RPS6KA6: variants seen among roughly 807,000 people sequenced by gnomAD.
The protein encoded by RPS6KA6 is ribosomal protein S6 kinase A6.
In RPS6KA6, 27 loss-of-function variants were observed where a neutral mutation model predicts 65.4. The ratio of observed to expected loss-of-function variants is 0.41; its 90% confidence interval spans 0.30 to 0.57. RPS6KA6 has a LOEUF of 0.57. Ranked by LOEUF, RPS6KA6 falls within the 20% of genes least tolerant of loss-of-function variation. The pLI is 0.24. For missense variants in RPS6KA6, 486 were observed against 555.6 expected (o/e 0.87, Z 1.26); for synonymous variants, 190 against 184.2 (o/e 1.03, Z -0.26).
chrX:84,090,071 A>C (rs1428294954), intron 20 of RPS6KA6, among the ~76,000 whole-genome samples: 2 of 112,515 alleles, frequency 1.8e-5, no homozygotes, highest in Non-Finnish European at 3.8e-5. Flanking sequence ...AATACTGATT[A>C]ATAATTCATC....
intron 12 of RPS6KA6, among the ~76,000 whole-genome samples, chrX:84,115,934 C>A (rs982427434): frequency 2.7e-5 from 3 of 110,525 alleles, no homozygotes; most frequent in African/African-American, 9.9e-5. Flanking sequence ...ATAATAGACA[C>A]CGAGGACTCC....
intron 8 of RPS6KA6, among the ~76,000 whole-genome samples, chrX:84,132,224 A>T (rs2034910121): frequency 9.0e-6 from 1 of 110,693 alleles, no homozygotes; most frequent in South Asian, 3.9e-4. Flanking sequence ...GGAGTTCAAG[A>T]CCAGCCTGGG....
At chrX:84,134,941 ATTAACT>A in intron 7 of RPS6KA6, 122 bp from the exon 8 acceptor site, 1 of 605,743 alleles carries the variant, frequency 1.7e-6, no homozygotes, top group Non-Finnish European at 2.5e-6. Context: ...AATTTAAATG[ATTAACT>A]TAAAGTCAAT....
At chrX:84,165,558 C>A (rs902597113) in intron 1 of RPS6KA6, among the ~76,000 whole-genome samples, 7 of 110,883 alleles carry the variant, frequency 6.3e-5, no homozygotes, top group African/African-American at 2.3e-4. Flanking sequence ...AACAAAAATT[C>A]CAAGAAAAAT....
chrX:84,173,116 C>CAT (rs1008700199), intron 1 of RPS6KA6, among the ~76,000 whole-genome samples: 5 of 110,080 alleles, frequency 4.5e-5, no homozygotes, highest in African/African-American at 1.7e-4. Context: ...TTTTATGTTT[C>CAT]ATATATATAT....
chrX:84,078,638 G>T (rs183449300), intron 20 of RPS6KA6, among the ~76,000 whole-genome samples: 68 of 111,641 alleles, frequency 6.1e-4, no homozygotes, highest in African/African-American at 2.0e-3. Context: ...CAACAACATA[G>T]ATAAATCTCA....
chrX:84,107,203 C>A (rs986729814), intron 13 of RPS6KA6, among the ~76,000 whole-genome samples, 163 bp from the exon 14 acceptor site: 12 of 111,504 alleles, frequency 1.1e-4, no homozygotes, highest in Non-Finnish European at 2.3e-4. Flanking sequence ...TATACATGCT[C>A]CATTTTAGTC....
At chrX:84,086,870 TGATA>T (rs2033933711) in intron 20 of RPS6KA6, among the ~76,000 whole-genome samples, 1 of 111,947 alleles carries the variant, frequency 8.9e-6, no homozygotes, top group South Asian at 3.7e-4. Context: ...TATATATTTA[TGATA>T]GTTAGTTCTC....
rs761257942 is a variant in RPS6KA6, at chrX:84,078,232, C to A, written c.1972-13121G>T. ...AACATCATTAGTCACTAGGGAAATGCGAATTAAAACTACTTTCAAATAGTA... is the reference window on the plus strand; with the variant it reads ...AACATCATTAGTCACTAGGGAAATGAGAATTAAAACTACTTTCAAATAGTA... On this transcript the variant is annotated intron_variant, in intron 20 of 21. Coordinates refer to ENST00000262752, the MANE Select transcript of RPS6KA6 (RefSeq NM_014496.5). Among the ~76,000 whole-genome samples the A allele has an allele frequency of 1.3e-4, 15 of 111,718 alleles. No homozygotes were observed. The South Asian group carries it at 4.8e-3, about 36-fold the overall frequency.
chrX:84,180,468 C>G (rs762927290), intron 1 of RPS6KA6, among the ~76,000 whole-genome samples: 1 of 111,616 alleles, frequency 9.0e-6, no homozygotes, highest in East Asian at 2.8e-4. Context: ...TCTGTGTACT[C>G]TATTCTGGTC....
At chrX:84,154,188 T>C (rs2035376035) in intron 3 of RPS6KA6, among the ~76,000 whole-genome samples, 1 of 111,462 alleles carries the variant, frequency 9.0e-6, no homozygotes, top group African/African-American at 3.3e-5. Flanking sequence ...TTTGACCTAC[T>C]AGAAAAGGAC....
At chrX:84,106,827 T>TA (rs1219163836) in intron 14 of RPS6KA6, 83 bp downstream of exon 14, 168 of 797,165 alleles carry the variant, frequency 2.1e-4, no homozygotes, top group South Asian at 4.8e-4. Flanking sequence ...AAAATCACTT[T>TA]AAAAAAAACG....
Position 84,059,680 on chromosome X carries a change from T to G in RPS6KA6, c.*4597A>C. ...TAATTGTCCACGTAAAATTAAATGC[T>G]TAATACCTTTTGAAGAATAAATTAT... On this transcript the variant is annotated 3_prime_UTR_variant, in exon 22 of 22. Coordinates refer to ENST00000262752, the MANE Select transcript of RPS6KA6 (RefSeq NM_014496.5). 1 of 111,920 alleles carries G rather than the reference T, an allele frequency of 8.9e-6. No individual in the cohort carries two copies. Among genetic ancestry groups the G allele is most frequent in the Middle Eastern group, 4.6e-3 (1 of 216 alleles). The allele number at this position is 111,920 out of a possible 1,213,427, so 9.2% of individuals were successfully genotyped here.
intron 1 of RPS6KA6, chrX:84,186,751 TGA>T (rs1348674517): frequency 9.0e-6 from 1 of 111,648 alleles, no homozygotes; most frequent in East Asian, 2.8e-4. Flanking sequence ...TGTCGAGGAT[TGA>T]GAGTCTTACC....
intron 4 of RPS6KA6, among the ~76,000 whole-genome samples, chrX:84,147,670 A>T (rs754906807): frequency 2.7e-5 from 3 of 111,849 alleles, no homozygotes; most frequent in Non-Finnish European, 5.6e-5. Flanking sequence ...CATAAGCGGT[A>T]TTTTTATCAC....
chrX:84,148,158 T>G (rs1411314829), intron 3 of RPS6KA6, 35 bp from the exon 4 acceptor site: 1 of 889,817 alleles, frequency 1.1e-6, no homozygotes, highest in African/African-American at 2.0e-5. Flanking sequence ...AAAAGGAAAA[T>G]TCACATTTCT....
At chrX:84,087,921 T>C (rs1261396815) in intron 20 of RPS6KA6, among the ~76,000 whole-genome samples, 1 of 112,275 alleles carries the variant, frequency 8.9e-6, no homozygotes, top group Non-Finnish European at 1.9e-5. Flanking sequence ...AGCTCTGAGA[T>C]TTTTTCCTCT....
chrX:84,137,214 A>G, intron 6 of RPS6KA6, among the ~76,000 whole-genome samples: 1 of 111,850 alleles, frequency 8.9e-6, no homozygotes, highest in Non-Finnish European at 1.9e-5. Context: ...ACACTACTGT[A>G]TAAGTACTAT....
intron 2 of RPS6KA6, among the ~76,000 whole-genome samples, chrX:84,157,285 A>C (rs2035432852): frequency 8.9e-6 from 1 of 111,844 alleles, no homozygotes; most frequent in Non-Finnish European, 1.9e-5. Flanking sequence ...CCAGCAAATC[A>C]ACAAGAAATG....
Sources: gnomAD v4.1 joint callset for allele counts (sites outside exome capture counted in the v4.1 genomes callset) on GRCh38, gnomAD v4.1.1 for gene constraint, MANE v1.5 for transcripts, NCBI Gene and HGNC (gene_info 2026-07-23, HGNC 2026-07-21) for gene names.